Variants in PRKACB observed in about 807,000 individuals in gnomAD.
PRKACB encodes the protein cAMP-dependent protein kinase catalytic subunit beta.
A neutral mutation model predicts 51.4 loss-of-function variants in PRKACB; 16 were observed. The ratio of observed to expected loss-of-function variants is 0.31; its 90% CI spans 0.21 to 0.47. PRKACB has a LOEUF of 0.47. Among genes scored for constraint, PRKACB ranks in the 20% least tolerant of loss-of-function variants. The pLI, the probability that PRKACB is intolerant of heterozygous loss-of-function variation, is 1.00. For synonymous variants in PRKACB, 147 were observed against 154.4 expected (o/e 0.95, Z 0.35); for missense variants, 309 against 464.5 (o/e 0.67, Z 3.08).
chr1:84,093,027 T>G (rs1648615038), intron 1 of PRKACB, among the ~76,000 whole-genome samples: 3 of 152,070 alleles, frequency 2.0e-5, no homozygotes, highest in Admixed American at 2.0e-4. Context: ...TCTTCTTCCG[T>G]TTCATAGCTT....
chr1:84,189,963 C>T (rs1306873570), intron 5 of PRKACB, among the ~76,000 whole-genome samples: 3 of 151,814 alleles, frequency 2.0e-5, no homozygotes, highest in African/African-American at 7.2e-5. Context: ...TAACTATTTA[C>T]ACATAAAACT....
chr1:84,120,264 C>T (rs1340290239), intron 1 of PRKACB, among the ~76,000 whole-genome samples: 1 of 152,022 alleles, frequency 6.6e-6, no homozygotes, highest in African/African-American at 2.4e-5. Flanking sequence ...AGAAAATTTT[C>T]AAATGGGTAA....
intron 8 of PRKACB, among the ~76,000 whole-genome samples, chr1:84,212,798 T>C (rs1672328109): frequency 2.0e-5 from 3 of 152,194 alleles, no homozygotes; most frequent in Admixed American, 2.0e-4. Flanking sequence ...ATATAGTAGG[T>C]ATTCAATAAA....
In PRKACB at chr1:84,202,808, A is replaced by G. The variant is rs758593009; in HGVS notation, c.906+3A>G. The stretch of plus-strand genomic sequence containing the variant: ...ATGAAAAGATTGTTTCTGGAAAGGT[A>G]AGTAAAACATTTTATTATTCCTCTC... On this transcript the variant is annotated splice_donor_region_variant and intron_variant, in intron 8 of 9. Coordinates refer to ENST00000370685, the MANE Select transcript of PRKACB (RefSeq NM_182948.4). The G allele has an allele frequency of 1.3e-6, 2 of 1,597,938 alleles. No individual in the cohort carries two copies. The highest frequency in any genetic ancestry group is 1.7e-5 in the Admixed American group (1 of 59,230).
chr1:84,149,871 T>C (rs1654610321), intron 1 of PRKACB, among the ~76,000 whole-genome samples: 1 of 152,130 alleles, frequency 6.6e-6, no homozygotes, highest in Non-Finnish European at 1.5e-5. Flanking sequence ...TGCATATCTT[T>C]TTGGAGTTAA....
intron 1 of PRKACB, among the ~76,000 whole-genome samples, chr1:84,174,258 G>T (rs1444084011): frequency 1.3e-5 from 2 of 151,888 alleles, no homozygotes; most frequent in Admixed American, 6.6e-5. Context: ...TGCCATTTAT[G>T]TAAGATCGTC....
At chr1:84,213,077 C>T (rs956747296) in intron 8 of PRKACB, among the ~76,000 whole-genome samples, 9 of 152,066 alleles carry the variant, frequency 5.9e-5, no homozygotes, top group South Asian at 2.1e-4. Flanking sequence ...TTTGGGGATG[C>T]GCCTCTTAAC....
At chr1:84,225,792 C>A (rs908067159) in intron 9 of PRKACB, among the ~76,000 whole-genome samples, 2 of 152,140 alleles carry the variant, frequency 1.3e-5, no homozygotes, top group African/African-American at 4.8e-5. Context: ...TCTCAGTTAC[C>A]CTTTCCCCAT....
At position 84,135,177 on chromosome 1, in the gene PRKACB, AG is replaced by A. The variant is rs530270472; in HGVS notation, c.47-43998del. Among the ~76,000 whole-genome samples the A allele has an allele frequency of 2.6e-3, 395 of 152,106 alleles. 1 individual carries two copies. Among genetic ancestry groups the A allele is most frequent in the African/African-American group, 9.0e-3 (372 of 41,400 alleles). ...AGCAATAAACATCAGGGATTTAAAA[AG>A]GTTGGGGGAGCATTACATACGTATT... On this transcript the variant is annotated intron_variant, in intron 1 of 8. Transcript: ENST00000370688.
rs777189659 is a variant in PRKACB at position 84,185,189 on chromosome 1, A to G, written c.560+7A>G. 2.3e-5 allele frequency: 35 copies of G among 1,500,708 alleles called. No homozygotes were observed. Among genetic ancestry groups the G allele is most frequent in the Non-Finnish European group, 2.9e-5 (33 of 1,125,238 alleles). 93.0% of individuals were successfully genotyped at this position (1,500,708 alleles called of 1,614,324 possible). A position where few individuals can be genotyped will look rare whatever the true frequency, so the allele number is the denominator to read the frequency against. The stretch of plus-strand genomic sequence containing the variant: ...GAAGAATTGGAAGGTTCAGGTAACT[A>G]ATGGTTTTGCTTTCTTCAAATCTTT... On this transcript the variant is annotated splice_region_variant and intron_variant, in intron 5 of 9. Coordinates refer to ENST00000370685, the MANE Select transcript of PRKACB (RefSeq NM_182948.4).
At chr1:84,216,932 G>A (rs921403530) in intron 9 of PRKACB, among the ~76,000 whole-genome samples, 3 of 152,046 alleles carry the variant, frequency 2.0e-5, no homozygotes, top group Non-Finnish European at 2.9e-5. Flanking sequence ...TGAATTTTAC[G>A]TGTATCATCT....
At chr1:84,117,896 TCTA>T (rs1650760309) in intron 1 of PRKACB, among the ~76,000 whole-genome samples, 1 of 152,228 alleles carries the variant, frequency 6.6e-6, no homozygotes, top group African/African-American at 2.4e-5. Context: ...TTGTAATCTT[TCTA>T]CTTTTTTGAT....
chr1:84,177,544 A>G (rs1304997118), intron 1 of PRKACB, among the ~76,000 whole-genome samples: 4 of 151,948 alleles, frequency 2.6e-5, no homozygotes, highest in African/African-American at 7.2e-5. Flanking sequence ...AGTTCAGGAC[A>G]AGCCTGGGCA....
intron 1 of PRKACB, among the ~76,000 whole-genome samples, chr1:84,086,476 C>T (rs1005220487): frequency 6.6e-6 from 1 of 152,152 alleles, no homozygotes; most frequent in Admixed American, 6.5e-5. Flanking sequence ...TCTCAAGATG[C>T]ATAGAGAGAG....
chr1:84,216,931 C>T (rs570262877), intron 9 of PRKACB, among the ~76,000 whole-genome samples: 20 of 152,274 alleles, frequency 1.3e-4, no homozygotes, highest in South Asian at 1.0e-3. Context: ...ATGAATTTTA[C>T]GTGTATCATC....
chr1:84,207,658 C>G (rs183498616), intron 8 of PRKACB, among the ~76,000 whole-genome samples: 1 of 152,062 alleles, frequency 6.6e-6, no homozygotes, highest in Non-Finnish European at 1.5e-5. Context: ...TGTATATAAA[C>G]CCTTTTGAGT....
intron 5 of PRKACB, among the ~76,000 whole-genome samples, chr1:84,192,375 G>C (rs914929446): frequency 6.6e-6 from 1 of 152,114 alleles, no homozygotes; most frequent in African/African-American, 2.4e-5. Context: ...CTTTGTCCCT[G>C]AAGGTAAGAT....
intron 6 of PRKACB, 90 bp from the exon 7 acceptor site, chr1:84,197,639 A>G (rs1668573398): frequency 9.7e-6 from 8 of 826,838 alleles, no homozygotes; most frequent in South Asian, 9.0e-5. Context: ...CATAGTTTCA[A>G]TTTGAATTTT....
At chr1:84,167,829 T>G (rs1199677576) in intron 1 of PRKACB, among the ~76,000 whole-genome samples, 1 of 151,638 alleles carries the variant, frequency 6.6e-6, no homozygotes, top group Non-Finnish European at 1.5e-5. Flanking sequence ...ACTTGTTCCT[T>G]TATCAACTTT....
Sources: gnomAD v4.1 joint callset for allele counts (sites outside exome capture counted in the v4.1 genomes callset) on GRCh38, gnomAD v4.1.1 for gene constraint, MANE v1.5 for transcripts, NCBI Gene and HGNC (gene_info 2026-07-23, HGNC 2026-07-21) for gene names.